The following BTBD1 variants were observed in gnomAD, a reference collection of about 807,000 sequenced individuals.
BTBD1 encodes the protein BTB/POZ domain-containing protein 1.
A neutral mutation model predicts 48.0 loss-of-function variants in BTBD1; 34 were observed. The ratio of observed to expected loss-of-function variants is 0.71; its 90% confidence interval spans 0.54 to 0.94. The LOEUF is 0.94. Among genes scored for constraint, BTBD1 ranks in the 40% least tolerant of loss-of-function variants. The pLI is 0.00. For synonymous variants in BTBD1, 261 were observed against 242.1 expected, an observed-to-expected ratio of 1.08 and a Z score of -0.72; for missense variants, 543 against 625.6, an observed-to-expected ratio of 0.87 and a Z score of 1.41.
chr15:83,042,859 G>C (rs1264747790), intron 3 of BTBD1, among the ~76,000 whole-genome samples: 8 of 152,168 alleles, frequency 5.3e-5, no homozygotes, highest in Non-Finnish European at 1.0e-4. Flanking sequence ...ATAGGAAGGG[G>C]CCAGGCATGG....
chr15:83,057,703 A>G (rs2033111194), intron 1 of BTBD1, among the ~76,000 whole-genome samples: 1 of 152,266 alleles, frequency 6.6e-6, no homozygotes, highest in Non-Finnish European at 1.5e-5. Context: ...CAAAGTTTTA[A>G]AAGTTCTCGT....
chr15:83,050,091 A>G lies in BTBD1; in HGVS notation c.646T>C (p.Phe216Leu), dbSNP rs1005228106. Residue 216 changes from phenylalanine (F) to leucine (L), a missense_variant, in exon 3 of 8, where the codon TTT becomes CTT. Phe to Leu is a conservative substitution (Grantham distance 22). Transcript: ENST00000261721. ...AACTTACCTATATCAATATCAGTAAACCCTTCTGCACTTATTGCATCCATT... is the reference window on the plus strand; with the variant it reads ...AACTTACCTATATCAATATCAGTAAGCCCTTCTGCACTTATTGCATCCATT... Reference protein sequence around the residue: ...STMDAISAEGFTDIDIDTLCA... With the variant: ...STMDAISAEGLTDIDIDTLCA... 1.6e-5 allele frequency: 25 copies of G among 1,609,978 alleles called. No individual in the cohort carries two copies. Among genetic ancestry groups the G allele is most frequent in the Non-Finnish European group, 2.0e-5 (24 of 1,177,040 alleles).
At chr15:83,040,003 ACAC>A (rs2032716039) in intron 4 of BTBD1, among the ~76,000 whole-genome samples, 1 of 150,264 alleles carries the variant, frequency 6.7e-6, no homozygotes, top group Non-Finnish European at 1.5e-5. Context: ...ACACACACAC[ACAC>A]ACACACACAC....
At chr15:83,063,572 G>C (rs2033210240) in intron 1 of BTBD1, among the ~76,000 whole-genome samples, 2 of 152,182 alleles carry the variant, frequency 1.3e-5, no homozygotes, top group Non-Finnish European at 2.9e-5. Flanking sequence ...GCCAGAAAGA[G>C]TTTGTTTTTT....
chr15:83,028,667 T>C (rs1032432681), intron 5 of BTBD1: 1 of 152,176 alleles, frequency 6.6e-6, no homozygotes, highest in African/African-American at 2.4e-5. Context: ...TTTAATTCCT[T>C]CCATGGTAAT....
intron 5 of BTBD1, among the ~76,000 whole-genome samples, chr15:83,025,425 C>G (rs2032387001): frequency 6.9e-6 from 1 of 145,730 alleles, no homozygotes; most frequent in Non-Finnish European, 1.5e-5. Context: ...TAGTATGTGA[C>G]TTCTGAAAGA....
intron 1 of BTBD1, among the ~76,000 whole-genome samples, chr15:83,059,959 A>T (rs774886133): frequency 9.2e-5 from 14 of 152,170 alleles, no homozygotes; most frequent in Admixed American, 2.0e-4. Context: ...TGTGTTTCTT[A>T]TAAGACATTT....
chr15:83,043,167 C>T (rs1187368637), intron 3 of BTBD1, among the ~76,000 whole-genome samples: 1 of 152,044 alleles, frequency 6.6e-6, no homozygotes, highest in Non-Finnish European at 1.5e-5. Context: ...AAAATAAAAT[C>T]GGGTGGTTTA....
At chr15:83,039,789 A>C (rs1221165283) in intron 4 of BTBD1, among the ~76,000 whole-genome samples, 18 of 151,648 alleles carry the variant, frequency 1.2e-4, no homozygotes, top group Admixed American at 9.2e-4. Flanking sequence ...AAAAAAAAAA[A>C]AAAAACCACA....
intron 3 of BTBD1, among the ~76,000 whole-genome samples, chr15:83,046,944 T>C (rs2032890400): frequency 6.6e-6 from 1 of 152,146 alleles, no homozygotes; most frequent in African/African-American, 2.4e-5. Flanking sequence ...ATGGAAGTGT[T>C]ATTTTAGCCA....
At chr15:83,030,003 T>A (rs899783955) in intron 5 of BTBD1, 133 bp downstream of exon 5, 7 of 870,946 alleles carry the variant, frequency 8.0e-6, no homozygotes, top group Non-Finnish European at 1.3e-5. Context: ...ACTCCTATAT[T>A]AACTTAACTT....
At chr15:83,020,405 A>C (rs940148839) in intron 6 of BTBD1, 1 of 306,642 alleles carries the variant, frequency 3.3e-6, no homozygotes, top group African/African-American at 2.2e-5. Context: ...GGATGTTTTA[A>C]GACTGCACAG....
chr15:83,055,542 C>T lies in BTBD1; in HGVS notation c.558+847G>A, dbSNP rs574195319. Among the ~76,000 whole-genome samples, 15 of 152,304 alleles carry T rather than the reference C, an allele frequency of 9.8e-5. No homozygotes were observed. The South Asian group carries it at 3.1e-3, about 32-fold the overall frequency. ...AAAGTGCTGGGATTACAGGCTTGAG[C>T]CATCTTGCCCAGCCACAATCTATGT... On this transcript the variant is annotated intron_variant, in intron 2 of 7. Coordinates refer to ENST00000261721, the MANE Select transcript of BTBD1 (RefSeq NM_025238.4).
At position 83,067,191 on chromosome 15, in the gene BTBD1, C is replaced by G. The variant is rs751763056; in HGVS notation, c.-40G>C. The G allele has an allele frequency of 7.4e-6, 10 of 1,359,140 alleles. No individual in the cohort carries two copies. The highest frequency in any genetic ancestry group is 9.5e-6 in the Non-Finnish European group (10 of 1,057,546). 84.2% of individuals were successfully genotyped at this position (1,359,140 alleles called of 1,614,324 possible). A position where few individuals can be genotyped will look rare whatever the true frequency, so the allele number is the denominator to read the frequency against. On this transcript the variant is annotated 5_prime_UTR_variant, in exon 1 of 8. Coordinates refer to ENST00000261721, the MANE Select transcript of BTBD1 (RefSeq NM_025238.4). Reference sequence around the variant, plus strand: ...GTTGCCCACGTTATGGACAAAACTCCGCCGCCATCGCCCAGGCCGCCTCCG... The same window carrying G: ...GTTGCCCACGTTATGGACAAAACTCGGCCGCCATCGCCCAGGCCGCCTCCG...
At chr15:83,060,913 T>C (rs533437699) in intron 1 of BTBD1, among the ~76,000 whole-genome samples, 2 of 152,312 alleles carry the variant, frequency 1.3e-5, no homozygotes, top group East Asian at 3.9e-4. Context: ...ATCTGTTCAT[T>C]TTACTCAAAA....
At chr15:83,053,192 C>T (rs766256994) in intron 2 of BTBD1, among the ~76,000 whole-genome samples, 27 of 151,942 alleles carry the variant, frequency 1.8e-4, no homozygotes, top group Non-Finnish European at 3.8e-4. Flanking sequence ...AGTGTTTTTC[C>T]CTCTATAAAT....
At chr15:83,035,237 T>G (rs56393383) in intron 4 of BTBD1, among the ~76,000 whole-genome samples, 12 of 152,218 alleles carry the variant, frequency 7.9e-5, no homozygotes, top group African/African-American at 2.9e-4. Context: ...GAGGTTACAG[T>G]GAGCCAAGAT....
At chr15:83,032,263 G>C (rs746457329) in intron 4 of BTBD1, among the ~76,000 whole-genome samples, 23 of 151,938 alleles carry the variant, frequency 1.5e-4, no homozygotes, top group Admixed American at 3.3e-4. Context: ...AGAAGTTACA[G>C]TGAGCCGAGA....
chr15:83,041,103 G>A (rs558202272), intron 4 of BTBD1, among the ~76,000 whole-genome samples: 10 of 148,354 alleles, frequency 6.7e-5, no homozygotes, highest in East Asian at 5.9e-4. Context: ...AGTGAAATGC[G>A]TTTGTGCCAC....
Sources: allele counts gnomAD v4.1 joint callset (sites outside exome capture counted in the v4.1 genomes callset), GRCh38; gene constraint gnomAD v4.1.1; transcripts MANE v1.5; gene names NCBI Gene and HGNC (gene_info 2026-07-23, HGNC 2026-07-21).